PLEKHA7: variants seen among roughly 807,000 people sequenced by gnomAD.
The protein encoded by PLEKHA7 is pleckstrin homology domain containing A7.
In PLEKHA7, 104 loss-of-function variants were observed where a neutral mutation model predicts 170.0. That is an observed-to-expected ratio of 0.61 (90% CI 0.52 to 0.72). PLEKHA7 has a LOEUF of 0.72. PLEKHA7 is among the 30% of genes least tolerant of loss of function. The probability of loss-of-function intolerance (pLI) is 0.00; values close to 1 mark genes in which losing one functional copy is unlikely to be tolerated. For missense variants in PLEKHA7, 1,615 were observed against 1,671.7 expected (o/e 0.97, Z 0.59); for synonymous variants, 648 against 660.8 (o/e 0.98, Z 0.30).
chr11:16,910,877 G>A (rs757528680), intron 3 of PLEKHA7, among the ~76,000 whole-genome samples: 1 of 152,192 alleles, frequency 6.6e-6, no homozygotes, highest in African/African-American at 2.4e-5. Flanking sequence ...TTCTGGACTT[G>A]GCTTTGAGTT....
At chr11:16,815,712 C>T (rs1043355027) in intron 12 of PLEKHA7, among the ~76,000 whole-genome samples, 1 of 152,048 alleles carries the variant, frequency 6.6e-6, no homozygotes. Context: ...GACGGGGTTT[C>T]GCCATGTTTG....
chr11:16,871,207 T>A, intron 3 of PLEKHA7, 25 bp from the exon 4 acceptor site: 3 of 1,545,830 alleles, frequency 1.9e-6, no homozygotes, highest in Non-Finnish European at 2.7e-6. Flanking sequence ...AGAAGATGGA[T>A]GAGAATTCGT....
At chr11:16,828,635 C>T (rs1202616251) in intron 9 of PLEKHA7, among the ~76,000 whole-genome samples, 1 of 152,158 alleles carries the variant, frequency 6.6e-6, no homozygotes, top group East Asian at 1.9e-4. Context: ...CAACAGAGGA[C>T]ATCTTTCCTC....
intron 3 of PLEKHA7, chr11:17,013,031 C>G (rs1335125609): frequency 2.6e-5 from 4 of 152,258 alleles, no homozygotes; most frequent in Non-Finnish European, 4.4e-5. Flanking sequence ...GTCAGACCAC[C>G]GTCCAGACCT....
At chr11:16,999,608 T>C (rs1382154378) in intron 3 of PLEKHA7, among the ~76,000 whole-genome samples, 1 of 152,110 alleles carries the variant, frequency 6.6e-6, no homozygotes, top group Admixed American at 6.5e-5. Flanking sequence ...CCACTGATAC[T>C]CTCTCAAAGC....
chr11:16,999,297 T>G (rs755285727), intron 3 of PLEKHA7, among the ~76,000 whole-genome samples: 1 of 151,844 alleles, frequency 6.6e-6, no homozygotes, highest in East Asian at 1.9e-4. Flanking sequence ...CTCTGGCTAT[T>G]AATGTCAATC....
chr11:16,835,275 A>T (rs1478912176), intron 9 of PLEKHA7, among the ~76,000 whole-genome samples: 1 of 152,278 alleles, frequency 6.6e-6, no homozygotes, highest in East Asian at 1.9e-4. Flanking sequence ...TGTCTCAAAT[A>T]AAAAAGTGAG....
chr11:16,940,281 GTTTTTTT>G (rs71047516), intron 3 of PLEKHA7, among the ~76,000 whole-genome samples: 2 of 110,406 alleles, frequency 1.8e-5, no homozygotes, highest in Admixed American at 9.6e-5. Context: ...TTCTTCTGCT[GTTTTTTT>G]TTTTTTTTTT....
At chr11:16,919,183 C>T (rs1858910161) in intron 3 of PLEKHA7, among the ~76,000 whole-genome samples, 1 of 152,202 alleles carries the variant, frequency 6.6e-6, no homozygotes, top group African/African-American at 2.4e-5. Flanking sequence ...CATTGCACTC[C>T]AGCCTGGGTG....
intron 3 of PLEKHA7, among the ~76,000 whole-genome samples, chr11:16,900,240 T>A (rs181389548): frequency 6.6e-5 from 10 of 152,338 alleles, no homozygotes; most frequent in Admixed American, 1.3e-4. Flanking sequence ...TTACTCTGAT[T>A]GCATGGCAGC....
chr11:16,891,564 T>G (rs1040691632), intron 3 of PLEKHA7, among the ~76,000 whole-genome samples: 20 of 152,230 alleles, frequency 1.3e-4, no homozygotes, highest in Non-Finnish European at 2.9e-5. Flanking sequence ...CTGTATTAGT[T>G]TAGTGGCTTT....
intron 10 of PLEKHA7, among the ~76,000 whole-genome samples, chr11:16,818,807 T>TC (rs1564956819): frequency 2.0e-5 from 3 of 151,624 alleles, no homozygotes; most frequent in Non-Finnish European, 4.4e-5. Flanking sequence ...TTTTTCTCTC[T>TC]TTTTTTTCTT....
chr11:16,924,364 G>A (rs537585658), intron 3 of PLEKHA7, among the ~76,000 whole-genome samples: 6 of 152,308 alleles, frequency 3.9e-5, no homozygotes, highest in Non-Finnish European at 7.3e-5. Flanking sequence ...ACACCCGAGG[G>A]CACTGGCGGA....
chr11:17,004,200 G>C (rs1864845664), intron 3 of PLEKHA7, among the ~76,000 whole-genome samples: 1 of 152,018 alleles, frequency 6.6e-6, no homozygotes, highest in Non-Finnish European at 1.5e-5. Context: ...TGAGTTTTTG[G>C]ACAGAACCAA....
At chr11:17,006,821 G>C (rs1272929740) in intron 3 of PLEKHA7, among the ~76,000 whole-genome samples, 1 of 152,124 alleles carries the variant, frequency 6.6e-6, no homozygotes, top group Non-Finnish European at 1.5e-5. Context: ...CTCCTGGGCT[G>C]TCCAGTATTC....
intron 3 of PLEKHA7, among the ~76,000 whole-genome samples, chr11:16,919,129 G>A (rs1049713764): frequency 3.9e-5 from 6 of 152,146 alleles, no homozygotes; most frequent in African/African-American, 1.2e-4. Context: ...CAGGAGAATC[G>A]CTTGTACCTG....
intron 3 of PLEKHA7, among the ~76,000 whole-genome samples, chr11:16,891,609 A>G (rs1856619708): frequency 6.6e-6 from 1 of 152,230 alleles, no homozygotes; most frequent in Non-Finnish European, 1.5e-5. Context: ...AACAGCATGG[A>G]AAAGCTATCA....
rs1237671932 is a variant in PLEKHA7 at position 16,789,055 on chromosome 11, C to T, written c.3357+41G>A. ...TTGGGGGACTCTGAGGGGCACTCGG[C>T]TCCCTGTCCCTGCCCCGCTGCCTGG... On this transcript the variant is annotated intron_variant, in intron 23 of 26. Coordinates refer to ENST00000531066, the MANE Select transcript of PLEKHA7 (RefSeq NM_001329630.2). This position sits in a 1 kb window ranked among gnomAD's most constrained non-coding sequence, Gnocchi z 4.6. The T allele has an allele frequency of 1.3e-6, 2 of 1,581,714 alleles. No individual in the cohort carries two copies. The highest frequency in any genetic ancestry group is 4.5e-5 in the East Asian group (2 of 44,254).
intron 3 of PLEKHA7, among the ~76,000 whole-genome samples, chr11:16,890,132 T>C (rs1225375322): frequency 2.0e-5 from 3 of 152,162 alleles, no homozygotes; most frequent in African/African-American, 7.2e-5. Context: ...AGACTGCCCC[T>C]ACAATAAATG....
Sources: allele counts gnomAD v4.1 joint callset (sites outside exome capture counted in the v4.1 genomes callset), GRCh38; gene constraint gnomAD v4.1.1; non-coding constraint Gnocchi (gnomAD v3.1); transcripts MANE v1.5; gene names NCBI Gene and HGNC (gene_info 2026-07-23, HGNC 2026-07-21).